Variants in NAALADL2 observed in about 807,000 individuals in gnomAD.
NAALADL2 encodes the protein N-acetylated alpha-linked acidic dipeptidase like 2, also known as inactive N-acetylated-alpha-linked acidic dipeptidase-like protein 2.
Under a neutral mutation model 87.2 loss-of-function variants are expected in NAALADL2, and 76 were observed. That is an observed-to-expected ratio of 0.87 (90% CI 0.72 to 1.05). The LOEUF is 1.05. NAALADL2 is among the 50% of genes least tolerant of loss of function. The pLI is 0.00. For synonymous variants in NAALADL2, 354 were observed against 331.0 expected (o/e 1.07, Z -0.75); for missense variants, 1,089 against 945.8 (o/e 1.15, Z -1.99).
At chr3:175,013,252 A>ATTT in intron 1 of NAALADL2, among the ~76,000 whole-genome samples, 3 of 123,278 alleles carry the variant, frequency 2.4e-5, no homozygotes, top group African/African-American at 9.3e-5. Context: ...TAAAATATAT[A>ATTT]ATATACATAT....
chr3:174,805,484 G>A (rs1719359813), intron 3 of NAALADL2, among the ~76,000 whole-genome samples: 1 of 151,962 alleles, frequency 6.6e-6, no homozygotes, highest in Non-Finnish European at 1.5e-5. Flanking sequence ...TACACCTTTA[G>A]CACTATTTAT....
intron 1 of NAALADL2, among the ~76,000 whole-genome samples, chr3:174,532,938 C>T (rs1312121936): frequency 6.6e-6 from 1 of 151,672 alleles, no homozygotes; most frequent in Non-Finnish European, 1.5e-5. Flanking sequence ...CTCCTTTTCT[C>T]CTTTTCTCCT....
intron 5 of NAALADL2, among the ~76,000 whole-genome samples, chr3:175,407,904 T>A (rs549947336): frequency 4.6e-5 from 7 of 152,212 alleles, no homozygotes; most frequent in Non-Finnish European, 7.4e-5. Flanking sequence ...CTTAAAAAGG[T>A]ATATTAGAAA....
intron 1 of NAALADL2, among the ~76,000 whole-genome samples, chr3:174,920,093 C>T (rs770092457): frequency 6.6e-6 from 1 of 152,162 alleles, no homozygotes; most frequent in African/African-American, 2.4e-5. Context: ...TACATATAGA[C>T]TCAATTTGCA....
At chr3:175,194,417 C>A (rs1373392520) in intron 2 of NAALADL2, among the ~76,000 whole-genome samples, 1 of 151,826 alleles carries the variant, frequency 6.6e-6, no homozygotes, top group Admixed American at 6.6e-5. Flanking sequence ...GAACTAAATT[C>A]TGAAAATCCC....
rs1222212397 is a variant in NAALADL2 at position 174,780,138 on chromosome 3, T to C, written c.-9+42392T>C. On this transcript the variant is annotated intron_variant, in intron 3 of 3. Coordinates refer to the NAALADL2 transcript ENST00000434257. Reference sequence around the variant, plus strand: ...TTTTTCCATTTGTTTGTGTCCTCTCTTATTTCCTTGAGCAGTGGTTTGTAA... The same window carrying C: ...TTTTTCCATTTGTTTGTGTCCTCTCCTATTTCCTTGAGCAGTGGTTTGTAA... Among the ~76,000 whole-genome samples the C allele has an allele frequency of 2.0e-5, 3 of 152,326 alleles. No homozygotes were observed. The East Asian group carries it at 5.8e-4, about 29-fold the overall frequency.
At chr3:175,151,286 C>T (rs1007394793) in intron 2 of NAALADL2, among the ~76,000 whole-genome samples, 1 of 152,128 alleles carries the variant, frequency 6.6e-6, no homozygotes, top group Non-Finnish European at 1.5e-5. Context: ...GATGAGTTGT[C>T]AAGTTCTTAT....
intron 1 of NAALADL2, among the ~76,000 whole-genome samples, chr3:174,980,886 T>G (rs895181082): frequency 6.6e-6 from 1 of 152,168 alleles, no homozygotes; most frequent in Non-Finnish European, 1.5e-5. Context: ...CTATTGTATC[T>G]TCAAAATTGC....
In NAALADL2 at chr3:174,648,853, A is replaced by G. The variant is rs554860790; in HGVS notation, c.-114-88788A>G. On this transcript the variant is annotated intron_variant, in intron 2 of 3. Transcript: ENST00000434257. ...ATGCCTGTATCTGTAGACATAACAC[A>G]TATGTGTCAATATGTATACATATGT... 2.6e-5 allele frequency among the ~76,000 whole-genome samples: 4 copies of G among 152,260 alleles called. No individual in the cohort carries two copies. The East Asian group carries it at 5.8e-4, about 22-fold the overall frequency.
intron 9 of NAALADL2, among the ~76,000 whole-genome samples, chr3:175,524,950 A>G (rs1052039305): frequency 3.3e-5 from 5 of 152,122 alleles, no homozygotes; most frequent in African/African-American, 4.8e-5. Flanking sequence ...TAACAGGAAC[A>G]TGCTTTAAAC....
intron 1 of NAALADL2, among the ~76,000 whole-genome samples, chr3:175,069,357 G>C (rs555993907): frequency 1.7e-4 from 25 of 150,170 alleles, no homozygotes; most frequent in African/African-American, 6.3e-4. Context: ...CAAAGGACAT[G>C]AACAGACACT....
intron 1 of NAALADL2, among the ~76,000 whole-genome samples, chr3:174,979,684 A>G (rs938263854): frequency 2.3e-4 from 35 of 149,898 alleles, no homozygotes; most frequent in East Asian, 5.8e-4. Context: ...ATTTTAGTCA[A>G]TTTAAATATA....
At chr3:175,380,866 TACTC>T (rs1767702857) in intron 5 of NAALADL2, among the ~76,000 whole-genome samples, 1 of 152,144 alleles carries the variant, frequency 6.6e-6, no homozygotes, top group Non-Finnish European at 1.5e-5. Context: ...ATCTGAGTAT[TACTC>T]AATTATAAAG....
chr3:175,415,725 T>A (rs1714502390), intron 5 of NAALADL2, among the ~76,000 whole-genome samples: 2 of 151,836 alleles, frequency 1.3e-5, no homozygotes, highest in South Asian at 4.2e-4. Context: ...GTGTGCTAAA[T>A]CATTGATATT....
upstream of NAALADL2, among the ~76,000 whole-genome samples, chr3:174,857,850 A>T (rs1726023181): frequency 6.6e-6 from 1 of 152,064 alleles, no homozygotes; most frequent in South Asian, 2.1e-4. Context: ...TAAATGAAAG[A>T]GACAACTCCC....
chr3:174,549,628 C>T (rs1462975808), intron 1 of NAALADL2, among the ~76,000 whole-genome samples: 1 of 152,214 alleles, frequency 6.6e-6, no homozygotes, highest in Non-Finnish European at 1.5e-5. Context: ...ATGGCATACA[C>T]TAACTCTGAA....
intron 1 of NAALADL2, among the ~76,000 whole-genome samples, chr3:174,488,427 A>G (rs1360105376): frequency 6.6e-6 from 1 of 152,070 alleles, no homozygotes; most frequent in Non-Finnish European, 1.5e-5. Context: ...AAAGCAACTG[A>G]GATAATGCCT....
intron 1 of NAALADL2, among the ~76,000 whole-genome samples, chr3:175,077,523 T>C (rs1716836878): frequency 6.6e-6 from 1 of 152,208 alleles, no homozygotes; most frequent in Non-Finnish European, 1.5e-5. Flanking sequence ...TCTAACTTTG[T>C]TTCTTATGCA....
rs1754678884 is a variant in NAALADL2, at chr3:175,806,107, A to G, written c.*2904A>G. ...GGTTATAAATGATCTTTTCCAGTGCATTCGATGTAACCAGCCATTCTGTCA... is the reference window on the plus strand; with the variant it reads ...GGTTATAAATGATCTTTTCCAGTGCGTTCGATGTAACCAGCCATTCTGTCA... On this transcript the variant is annotated 3_prime_UTR_variant, in exon 14 of 14. Transcript: ENST00000454872. 6.6e-6 allele frequency: 1 copy of G among 151,922 alleles called. No individual in the cohort carries two copies. Among genetic ancestry groups the G allele is most frequent in the African/African-American group, 2.4e-5 (1 of 41,406 alleles). The allele number at this position is 151,922 out of a possible 1,614,324, so 9.4% of individuals were successfully genotyped here.
Sources: gnomAD v4.1 joint callset for allele counts (sites outside exome capture counted in the v4.1 genomes callset) on GRCh38, gnomAD v4.1.1 for gene constraint, MANE v1.5 for transcripts, NCBI Gene and HGNC (gene_info 2026-07-23, HGNC 2026-07-21) for gene names.